ZNF423: variants seen among roughly 807,000 people sequenced by gnomAD.
ZNF423 encodes the protein zinc finger protein 423.
Under a neutral mutation model 95.8 loss-of-function variants are expected in ZNF423, and 12 were observed. The observed-to-expected ratio is 0.13, with a 90% CI of 0.08 to 0.20. ZNF423 has a LOEUF of 0.20. ZNF423 is among the 10% of genes least tolerant of loss of function. The pLI is 1.00. For missense variants in ZNF423, 1,316 were observed against 1,737.1 expected (o/e 0.76, Z 4.31); for synonymous variants, 749 against 711.9 (o/e 1.05, Z -0.83).
chr16:49,530,800 G>A (rs1289958983), intron 5 of ZNF423, among the ~76,000 whole-genome samples: 2 of 152,188 alleles, frequency 1.3e-5, no homozygotes, highest in East Asian at 1.9e-4. Context: ...TAGAGAGGCA[G>A]GGCCCCTAAC....
intron 3 of ZNF423, among the ~76,000 whole-genome samples, chr16:49,687,753 C>A (rs2031619954): frequency 1.3e-5 from 2 of 152,196 alleles, no homozygotes; most frequent in South Asian, 4.1e-4. Flanking sequence ...GCTGCGGCTC[C>A]TGTTTCCACA....
chr16:49,604,683 C>T (rs1971478499), intron 5 of ZNF423, among the ~76,000 whole-genome samples: 2 of 152,146 alleles, frequency 1.3e-5, no homozygotes, highest in African/African-American at 4.8e-5. Flanking sequence ...CCTGTCCCAA[C>T]TTCCAGTCTG....
intron 3 of ZNF423, among the ~76,000 whole-genome samples, chr16:49,665,145 G>C (rs979836294): frequency 1.3e-5 from 2 of 152,282 alleles, no homozygotes; most frequent in Non-Finnish European, 2.9e-5. Flanking sequence ...GGCCCAAGGG[G>C]TGGCACTTCC....
intron 5 of ZNF423, among the ~76,000 whole-genome samples, chr16:49,554,321 C>T (rs1410325681): frequency 1.3e-5 from 2 of 152,280 alleles, no homozygotes; most frequent in African/African-American, 4.8e-5. Context: ...GAGCATTCTA[C>T]CTCTACCCAT....
At chr16:49,811,257 C>T (rs973302238) in intron 1 of ZNF423, among the ~76,000 whole-genome samples, 1 of 152,038 alleles carries the variant, frequency 6.6e-6, no homozygotes, top group Admixed American at 6.5e-5. Context: ...AGTGAGGCTC[C>T]CGGCATGGGA....
chr16:49,511,804 G>C (rs78802807), intron 7 of ZNF423, among the ~76,000 whole-genome samples: 1 of 152,244 alleles, frequency 6.6e-6, no homozygotes, highest in South Asian at 2.1e-4. Context: ...CACCTTATTA[G>C]GTTGGGAACA....
At chr16:49,609,422 G>T (rs1234640200) in intron 5 of ZNF423, among the ~76,000 whole-genome samples, 1 of 152,208 alleles carries the variant, frequency 6.6e-6, no homozygotes, top group East Asian at 1.9e-4. Context: ...ATCTAATGGG[G>T]AGTTTAAAGG....
chr16:49,657,786 C>T (rs983172079), intron 3 of ZNF423, among the ~76,000 whole-genome samples: 1 of 152,232 alleles, frequency 6.6e-6, no homozygotes, highest in Non-Finnish European at 1.5e-5. Flanking sequence ...TTGCTTCAGG[C>T]TCTGTGTTCA....
chr16:49,516,647 G>C (rs957616407), intron 7 of ZNF423, among the ~76,000 whole-genome samples: 2 of 152,226 alleles, frequency 1.3e-5, no homozygotes, highest in South Asian at 4.1e-4. Context: ...TACCGACAGG[G>C]ACCTCAGCAC....
chr16:49,525,944 T>C (rs1968585648), intron 5 of ZNF423, among the ~76,000 whole-genome samples: 1 of 152,218 alleles, frequency 6.6e-6, no homozygotes, highest in Non-Finnish European at 1.5e-5. Context: ...ACTAAACAAA[T>C]AATGTCTCTG....
chr16:49,580,057 A>G (rs1970621708), intron 5 of ZNF423, among the ~76,000 whole-genome samples: 1 of 152,196 alleles, frequency 6.6e-6, no homozygotes, highest in African/African-American at 2.4e-5. Flanking sequence ...GGATGTTCCC[A>G]TCTCCACCCA....
At chr16:49,530,439 C>G (rs1968797483) in intron 5 of ZNF423, among the ~76,000 whole-genome samples, 1 of 152,128 alleles carries the variant, frequency 6.6e-6, no homozygotes. Flanking sequence ...ATTCTCATTC[C>G]CTCCGTCCCT....
intron 3 of ZNF423, among the ~76,000 whole-genome samples, chr16:49,689,151 A>G (rs933964503): frequency 4.6e-5 from 7 of 152,138 alleles, no homozygotes; most frequent in Non-Finnish European, 1.0e-4. Flanking sequence ...TGTATAATAA[A>G]GAATTTGGGG....
intron 5 of ZNF423, among the ~76,000 whole-genome samples, chr16:49,559,171 A>C (rs1333386598): frequency 6.6e-6 from 1 of 152,250 alleles, no homozygotes; most frequent in Non-Finnish European, 1.5e-5. Context: ...TCATGGACAG[A>C]GAAAGCGAGT....
chr16:49,607,491 T>A (rs13337897), intron 5 of ZNF423, among the ~76,000 whole-genome samples: 33,901 of 151,922 alleles, frequency 0.22, 4,208 homozygotes, highest in African/African-American at 0.34. Context: ...TCACCAAAAC[T>A]GAAGAAGCTG....
chr16:49,815,887 T>A (rs1446514245), intron 1 of ZNF423, among the ~76,000 whole-genome samples: 12 of 41,440 alleles, frequency 2.9e-4, no homozygotes, highest in South Asian at 1.1e-3. Flanking sequence ...AAAAAATATA[T>A]ATATATATAT....
intron 5 of ZNF423, among the ~76,000 whole-genome samples, chr16:49,591,182 G>A (rs191022845): frequency 6.6e-6 from 1 of 152,090 alleles, no homozygotes; most frequent in Admixed American, 6.5e-5. Context: ...AAACACAAGT[G>A]TGCAAAAATA....
intron 2 of ZNF423, among the ~76,000 whole-genome samples, chr16:49,783,521 G>C (rs2034251949): frequency 6.8e-6 from 1 of 146,744 alleles, no homozygotes; most frequent in Non-Finnish European, 1.5e-5. Flanking sequence ...GCGGGAAAGA[G>C]GGGGGTTAGA....
intron 2 of ZNF423, among the ~76,000 whole-genome samples, chr16:49,789,096 G>A (rs1007975922): frequency 3.3e-5 from 5 of 152,168 alleles, no homozygotes; most frequent in Non-Finnish European, 7.3e-5. Flanking sequence ...CCCCTTCCAG[G>A]GAGGGAAAGA....
Sources: gnomAD v4.1 joint callset for allele counts (sites outside exome capture counted in the v4.1 genomes callset) on GRCh38, gnomAD v4.1.1 for gene constraint, MANE v1.5 for transcripts, NCBI Gene and HGNC (gene_info 2026-07-23, HGNC 2026-07-21) for gene names.